The following AGPAT2 variants were observed in gnomAD, a reference collection of about 807,000 sequenced individuals.
AGPAT2 encodes the protein 1-acyl-sn-glycerol-3-phosphate acyltransferase beta.
A neutral mutation model predicts 26.1 loss-of-function variants in AGPAT2; 18 were observed. That is an observed-to-expected ratio of 0.69 (90% CI 0.48 to 1.02). AGPAT2 has a LOEUF of 1.02. Ranked by LOEUF, AGPAT2 falls within the 50% of genes least tolerant of loss-of-function variation. The pLI, the probability that AGPAT2 is intolerant of heterozygous loss-of-function variation, is 0.00. For synonymous variants in AGPAT2, 200 were observed against 174.2 expected (o/e 1.15, Z -1.16); for missense variants, 415 against 394.9 (o/e 1.05, Z -0.43).
At chr9:136,679,758 G>C (rs1236534630) in intron 1 of AGPAT2, among the ~76,000 whole-genome samples, 1 of 152,230 alleles carries the variant, frequency 6.6e-6, no homozygotes, top group Non-Finnish European at 1.5e-5. Flanking sequence ...TAAAACGCCT[G>C]ATAACAGGAG....
chr9:136,674,051 C>T lies in AGPAT2; in HGVS notation c.662-124G>A, dbSNP rs908505806. 1.9e-5 allele frequency: 18 copies of T among 943,972 alleles called. No homozygotes were observed. The Admixed American group carries it at 3.2e-4, about 17-fold the overall frequency. The allele number at this position is 943,972 out of a possible 1,614,324, so 58.5% of individuals were successfully genotyped here. Reference sequence around the variant, plus strand: ...TCCCTGGGAAGCCCGAGGCCGGGCTCTTCCCCTGGACTCCCTAGCCGTGGT... The same window carrying T: ...TCCCTGGGAAGCCCGAGGCCGGGCTTTTCCCCTGGACTCCCTAGCCGTGGT... On this transcript the variant is annotated intron_variant, in intron 5 of 5. Transcript: ENST00000371696.
chr9:136,685,961 A>G (rs963634454), intron 1 of AGPAT2, among the ~76,000 whole-genome samples: 2 of 152,214 alleles, frequency 1.3e-5, no homozygotes, highest in East Asian at 3.9e-4. Flanking sequence ...CACCTGGGCC[A>G]GCCCTGGAGT....
chr9:136,684,933 C>T (rs1221483900), intron 1 of AGPAT2, among the ~76,000 whole-genome samples: 1 of 152,228 alleles, frequency 6.6e-6, no homozygotes, highest in African/African-American at 2.4e-5. Flanking sequence ...AGTGACAAAG[C>T]GCCTGCTCTT....
intron 1 of AGPAT2, among the ~76,000 whole-genome samples, chr9:136,682,126 C>A (rs551065827): frequency 6.6e-6 from 1 of 152,220 alleles, no homozygotes; most frequent in Admixed American, 6.5e-5. Flanking sequence ...CTGAGCCCCC[C>A]TCGGAACCCT....
intron 1 of AGPAT2, among the ~76,000 whole-genome samples, chr9:136,680,957 G>A (rs1846152030): frequency 1.3e-5 from 2 of 152,108 alleles, no homozygotes; most frequent in Admixed American, 6.6e-5. Flanking sequence ...GAGCCAGCGC[G>A]CCGAGCCCTC....
intron 4 of AGPAT2, 149 bp downstream of exon 4, chr9:136,676,436 G>A (rs1846090564): frequency 3.1e-6 from 2 of 650,140 alleles, no homozygotes; most frequent in Non-Finnish European, 5.5e-6. Context: ...TGCAGGAAGG[G>A]GCAAGGAGGC....
chr9:136,677,559 G>A lies in AGPAT2; in HGVS notation c.183-3C>T, dbSNP rs1292894085. ...TTCGCACGAACCAGCCGATGATGCTGCAGGGGAGGCCACCATGAACACGGG... is the reference window on the plus strand; with the variant it reads ...TTCGCACGAACCAGCCGATGATGCTACAGGGGAGGCCACCATGAACACGGG... On this transcript the variant is annotated splice_polypyrimidine_tract_variant and splice_region_variant and intron_variant, in intron 1 of 5. Coordinates refer to ENST00000371696, the MANE Select transcript of AGPAT2 (RefSeq NM_006412.4). 2 of 1,612,814 alleles carry A rather than the reference G, an allele frequency of 1.2e-6. No individual in the cohort carries two copies. Among genetic ancestry groups the A allele is most frequent in the Admixed American group, 1.7e-5 (1 of 60,012 alleles).
chr9:136,684,479 G>A (rs1846197729), intron 1 of AGPAT2, among the ~76,000 whole-genome samples: 1 of 152,216 alleles, frequency 6.6e-6, no homozygotes, highest in South Asian at 2.1e-4. Flanking sequence ...AGAGGTTCTA[G>A]TCCCATCACT....
At chr9:136,684,998 A>G (rs1369669001) in intron 1 of AGPAT2, among the ~76,000 whole-genome samples, 1 of 152,152 alleles carries the variant, frequency 6.6e-6, no homozygotes, top group African/African-American at 2.4e-5. Context: ...GCACGTTCGC[A>G]ACAGCCCCAC....
chr9:136,687,296 C>T lies in AGPAT2; in HGVS notation c.62G>A (p.Ser21Asn), dbSNP rs974068780. The change falls in exon 1 of 6, where the codon AGC (serine) becomes AAC (asparagine). Residue 21 changes from serine to asparagine, a missense_variant. Transcript: ENST00000371696. ...LLLLLLLVQL[S>N]RAAEFYAKVA... ...CTTGGCGTAGAACTCGGCCGCGCGGCTCAGCTGCACCAGCAGCAGCAGCAA... is the reference window on the plus strand; with the variant it reads ...CTTGGCGTAGAACTCGGCCGCGCGGTTCAGCTGCACCAGCAGCAGCAGCAA... 2 of 1,581,690 alleles carry T rather than the reference C, an allele frequency of 1.3e-6. No individual in the cohort carries two copies. The highest frequency in any genetic ancestry group is 1.7e-6 in the Non-Finnish European group (2 of 1,168,968).
intron 1 of AGPAT2, among the ~76,000 whole-genome samples, chr9:136,680,097 T>G (rs1271359283): frequency 6.6e-6 from 1 of 152,158 alleles, no homozygotes; most frequent in Non-Finnish European, 1.5e-5. Flanking sequence ...GTGAAGGACA[T>G]GTGTATGATT....
At position 136,686,796 on chromosome 9, in the gene AGPAT2, G is replaced by C. The variant is rs116898124; in HGVS notation, c.182+380C>G. Among the ~76,000 whole-genome samples, 172 of 152,362 alleles carry C rather than the reference G, an allele frequency of 1.1e-3. 2 individuals carry two copies. In the East Asian group the frequency reaches 0.017, roughly 15 times the overall value. ...GGCAAGTCCCCGCCGCCCCGGCCTC[G>C]GTTTCCCCGCTCAGGAAGCAGGGCT... On this transcript the variant is annotated intron_variant, in intron 1 of 5. Transcript: ENST00000371696.
At chr9:136,677,365 G>A (rs1846105721) in intron 2 of AGPAT2, 58 bp downstream of exon 2, 4 of 1,611,414 alleles carry the variant, frequency 2.5e-6, no homozygotes, top group Non-Finnish European at 3.4e-6. Flanking sequence ...GCCCCACACA[G>A]CCCCAGCTCA....
At chr9:136,675,775 G>A (rs903842921) in intron 4 of AGPAT2, among the ~76,000 whole-genome samples, 3 of 152,308 alleles carry the variant, frequency 2.0e-5, no homozygotes, top group Middle Eastern at 3.4e-3. Context: ...CCTGGGCAGG[G>A]CTGGGATCAG....
Position 136,677,435 on chromosome 9 carries a change from G to C in AGPAT2, c.304C>G (p.Leu102Val). The C allele has an allele frequency of 6.2e-7, 1 of 1,613,222 alleles. No homozygotes were observed. Among genetic ancestry groups the C allele is most frequent in the Middle Eastern group, 1.6e-4 (1 of 6,062 alleles). The change falls in exon 2 of 6, where the codon CTG (leucine) becomes GTG (valine). Residue 102 changes from leucine to valine, a missense_variant. Transcript: ENST00000371696. ...AGGCCCGGCCTACCCATCATGTCCA[G>C]GATGCTCTGGTGGTTGGAGACGATG... is the stretch of plus-strand genomic sequence containing the variant. Reference protein sequence around the residue: ...CVIVSNHQSILDMMGLMEVLP... With the variant: ...CVIVSNHQSIVDMMGLMEVLP...
rs530429778 is a variant in AGPAT2 at position 136,678,392 on chromosome 9, C to T, written c.183-836G>A. ...CCCGAAGACTCTGACCAGCTCCGAGCGTCCCAACCTCTGCCCTGCTGTGCT... is the reference window on the plus strand; with the variant it reads ...CCCGAAGACTCTGACCAGCTCCGAGTGTCCCAACCTCTGCCCTGCTGTGCT... On this transcript the variant is annotated intron_variant, in intron 1 of 5. Coordinates refer to ENST00000371696, the MANE Select transcript of AGPAT2 (RefSeq NM_006412.4). Among the ~76,000 whole-genome samples, 18 of 152,338 alleles carry T rather than the reference C, an allele frequency of 1.2e-4. No homozygotes were observed. The East Asian group carries it at 2.3e-3, about 20-fold the overall frequency.
chr9:136,678,313 G>A (rs1588264949), intron 1 of AGPAT2, among the ~76,000 whole-genome samples: 1 of 152,186 alleles, frequency 6.6e-6, no homozygotes, highest in East Asian at 1.9e-4. Context: ...CAAATGTGAG[G>A]TGGCCTTGTC....
chr9:136,686,238 C>T (rs1846219425), intron 1 of AGPAT2, among the ~76,000 whole-genome samples: 1 of 152,230 alleles, frequency 6.6e-6, no homozygotes, highest in Non-Finnish European at 1.5e-5. Flanking sequence ...CCTGGAACCA[C>T]GGGGAAGGGG....
intron 4 of AGPAT2, among the ~76,000 whole-genome samples, chr9:136,675,936 C>T (rs1391901489): frequency 1.3e-5 from 2 of 152,190 alleles, no homozygotes; most frequent in Non-Finnish European, 2.9e-5. Flanking sequence ...AGGGAAGGAG[C>T]TGAGACCCCT....
Sources: allele counts gnomAD v4.1 joint callset (sites outside exome capture counted in the v4.1 genomes callset), GRCh38; gene constraint gnomAD v4.1.1; transcripts MANE v1.5; gene names NCBI Gene and HGNC (gene_info 2026-07-23, HGNC 2026-07-21).